Variants in FBN2 observed in about 807,000 individuals in gnomAD.
FBN2 encodes the protein fibrillin 2.
Under a neutral mutation model 355.6 loss-of-function variants are expected in FBN2, and 105 were observed. The ratio of observed to expected loss-of-function variants is 0.30; its 90% confidence interval spans 0.25 to 0.35. The LOEUF (loss-of-function observed/expected upper bound fraction) is 0.35. Ranked by LOEUF, FBN2 falls within the 10% of genes least tolerant of loss-of-function variation. The probability of loss-of-function intolerance (pLI) is 1.00; values close to 1 mark genes in which losing one functional copy is unlikely to be tolerated. For synonymous variants in FBN2, 1,350 were observed against 1,301.2 expected (o/e 1.04, Z -0.81); for missense variants, 3,280 against 3,758.7 (o/e 0.87, Z 3.33).
intron 23 of FBN2, among the ~76,000 whole-genome samples, chr5:128,347,168 C>G (rs983221429): frequency 6.6e-6 from 1 of 152,094 alleles, no homozygotes; most frequent in African/African-American, 2.4e-5. Context: ...GAAACCTGCT[C>G]AAGAAGCTCA....
At chr5:128,262,859 C>T (rs959158972) in intron 63 of FBN2, among the ~76,000 whole-genome samples, 1 of 152,182 alleles carries the variant, frequency 6.6e-6, no homozygotes, top group Admixed American at 6.5e-5. Context: ...TCTGCCACAG[C>T]CCATGGAACT....
intron 17 of FBN2, chr5:128,365,438 C>A (rs1168248830): frequency 6.6e-6 from 1 of 152,144 alleles, no homozygotes; most frequent in South Asian, 2.1e-4. Flanking sequence ...ATTTTGGTCA[C>A]TATGCTCAAA....
Position 128,286,701 on chromosome 5 carries a change from C to T in FBN2, c.7012+17G>A. Reference sequence around the variant, plus strand: ...GTGGAGGCATTACATAAGCAGACACCTTCCCTTACCGCTTACCTACACAGC... The same window carrying T: ...GTGGAGGCATTACATAAGCAGACACTTTCCCTTACCGCTTACCTACACAGC... On this transcript the variant is annotated intron_variant, in intron 55 of 64. Transcript: ENST00000262464. The T allele has an allele frequency of 1.9e-6, 3 of 1,613,720 alleles. No homozygotes were observed. Among genetic ancestry groups the T allele is most frequent in the Non-Finnish European group, 2.5e-6 (3 of 1,179,728 alleles).
chr5:128,300,688 G>T, intron 48 of FBN2, 129 bp downstream of exon 48: 1 of 916,318 alleles, frequency 1.1e-6, no homozygotes, highest in South Asian at 1.3e-5. Flanking sequence ...AACAGATGTA[G>T]GCAGCTATAT....
intron 19 of FBN2, among the ~76,000 whole-genome samples, chr5:128,360,298 T>C (rs1343573093): frequency 6.6e-6 from 1 of 152,092 alleles, no homozygotes; most frequent in Non-Finnish European, 1.5e-5. Context: ...GGGAGCAGGA[T>C]CTAGAAAATA....
intron 11 of FBN2, among the ~76,000 whole-genome samples, chr5:128,379,648 G>T (rs1049506720): frequency 6.6e-6 from 1 of 152,112 alleles, no homozygotes; most frequent in Non-Finnish European, 1.5e-5. Context: ...CCCATTGCAG[G>T]ATTCAGGGGC....
At chr5:128,300,564 A>C (rs1386855982) in intron 48 of FBN2, among the ~76,000 whole-genome samples, 1 of 152,242 alleles carries the variant, frequency 6.6e-6, no homozygotes, top group Non-Finnish European at 1.5e-5. Context: ...ATTTGGAAAA[A>C]AGATTAATTA....
intron 5 of FBN2, 65 bp from the exon 6 acceptor site, chr5:128,464,986 T>A: frequency 7.0e-7 from 1 of 1,419,164 alleles, no homozygotes; most frequent in Middle Eastern, 1.8e-4. Context: ...TACCAGTGCC[T>A]CCAAATGCAT....
In FBN2 at chr5:128,445,002, G is replaced by A. The variant is rs149779655; in HGVS notation, c.952+1479C>T. ...AGCCAGGAGAAAAAATACAAAAAGC[G>A]GCCAGGAAAAAGCAGCACAACCCAG... On this transcript the variant is annotated intron_variant, in intron 7 of 64. Transcript: ENST00000262464. 1.7e-3 allele frequency among the ~76,000 whole-genome samples: 252 copies of A among 152,188 alleles called. 2 individuals carry two copies. Among genetic ancestry groups the A allele is most frequent in the East Asian group, 5.4e-3 (28 of 5,168 alleles).
At chr5:128,394,753 C>T (rs759336042) in intron 9 of FBN2, among the ~76,000 whole-genome samples, 1 of 152,108 alleles carries the variant, frequency 6.6e-6, no homozygotes, top group Non-Finnish European at 1.5e-5. Flanking sequence ...CAAAGGAAAA[C>T]AAATATGACT....
intron 6 of FBN2, among the ~76,000 whole-genome samples, chr5:128,451,950 A>G (rs1754259572): frequency 6.7e-6 from 1 of 149,752 alleles, no homozygotes; most frequent in Admixed American, 6.6e-5. Context: ...TAACTGCCTA[A>G]AAAGTATTTT....
At chr5:128,428,865 T>C (rs1157192800) in intron 7 of FBN2, among the ~76,000 whole-genome samples, 1 of 152,190 alleles carries the variant, frequency 6.6e-6, no homozygotes, top group Non-Finnish European at 1.5e-5. Flanking sequence ...CTAGTGTGTT[T>C]TGAGAATCCT....
chr5:128,531,464 C>T (rs1478641460), intron 2 of FBN2, among the ~76,000 whole-genome samples: 1 of 151,984 alleles, frequency 6.6e-6, no homozygotes. Flanking sequence ...GCAGTGGACA[C>T]TGCTCAGGTG....
At chr5:128,366,274 A>G (rs1454818304) in intron 17 of FBN2, 103 bp downstream of exon 17, 7 of 589,100 alleles carry the variant, frequency 1.2e-5, no homozygotes, top group South Asian at 2.4e-5. Flanking sequence ...TTATTTTATA[A>G]TACTACATTT....
intron 7 of FBN2, among the ~76,000 whole-genome samples, chr5:128,427,188 C>A (rs572466922): frequency 6.6e-6 from 1 of 152,110 alleles, no homozygotes; most frequent in Non-Finnish European, 1.5e-5. Context: ...GCCCACCCCC[C>A]TGCCACTGCC....
intron 7 of FBN2, among the ~76,000 whole-genome samples, chr5:128,427,810 C>T (rs931719007): frequency 3.3e-5 from 5 of 152,126 alleles, no homozygotes; most frequent in Non-Finnish European, 7.4e-5. Flanking sequence ...CCTGATTTTC[C>T]CTGCTGGGCA....
At chr5:128,271,037 G>A (rs1016378969) in intron 62 of FBN2, among the ~76,000 whole-genome samples, 1 of 151,976 alleles carries the variant, frequency 6.6e-6, no homozygotes, top group Non-Finnish European at 1.5e-5. Flanking sequence ...CTTTGACCTG[G>A]CATGATTTTC....
chr5:128,431,625 G>C (rs1753630421), intron 7 of FBN2, among the ~76,000 whole-genome samples: 1 of 152,152 alleles, frequency 6.6e-6, no homozygotes, highest in South Asian at 2.1e-4. Flanking sequence ...ATTAAGTCAA[G>C]AGCTTTCATC....
At chr5:128,411,603 A>G (rs1382866499) in intron 7 of FBN2, among the ~76,000 whole-genome samples, 1 of 152,044 alleles carries the variant, frequency 6.6e-6, no homozygotes, top group Non-Finnish European at 1.5e-5. Flanking sequence ...CTTCCTTGCC[A>G]TGGTGCTCTG....
Sources: allele counts gnomAD v4.1 joint callset (sites outside exome capture counted in the v4.1 genomes callset), GRCh38; gene constraint gnomAD v4.1.1; transcripts MANE v1.5; gene names NCBI Gene and HGNC (gene_info 2026-07-23, HGNC 2026-07-21).